The following PHACTR1 variants were observed in gnomAD, a reference collection of about 807,000 sequenced individuals.
PHACTR1 encodes the protein phosphatase and actin regulator 1.
A neutral mutation model predicts 69.2 loss-of-function variants in PHACTR1; 16 were observed. The observed-to-expected ratio is 0.23, with a 90% CI of 0.16 to 0.35. The LOEUF (loss-of-function observed/expected upper bound fraction) is 0.35, where lower values mean the gene tolerates loss of function less well. Ranked by LOEUF, PHACTR1 falls within the 10% of genes least tolerant of loss-of-function variation. The pLI is 1.00. For synonymous variants in PHACTR1, 312 were observed against 284.5 expected (o/e 1.10, Z -0.97); for missense variants, 510 against 734.7 (o/e 0.69, Z 3.54).
chr6:12,926,532 G>A (rs971700115), intron 4 of PHACTR1, among the ~76,000 whole-genome samples: 1 of 152,096 alleles, frequency 6.6e-6, no homozygotes, highest in Admixed American at 6.6e-5. Context: ...ACTTGTCCAC[G>A]GTCCAGGCTC....
chr6:12,914,914 G>T (rs1786805711), intron 4 of PHACTR1, among the ~76,000 whole-genome samples: 1 of 152,160 alleles, frequency 6.6e-6, no homozygotes, highest in Non-Finnish European at 1.5e-5. Flanking sequence ...TGGAGAATTT[G>T]GCTGAGTTGT....
At chr6:12,761,696 G>A (rs1768034502) in intron 4 of PHACTR1, among the ~76,000 whole-genome samples, 1 of 152,116 alleles carries the variant, frequency 6.6e-6, no homozygotes, top group African/African-American at 2.4e-5. Flanking sequence ...AAGTAACCAG[G>A]GAGCATCCTT....
chr6:13,233,843 C>A (rs1393550655), intron 10 of PHACTR1, among the ~76,000 whole-genome samples: 1 of 152,184 alleles, frequency 6.6e-6, no homozygotes, highest in Non-Finnish European at 1.5e-5. Context: ...AGATGGCCTG[C>A]ATCCTTCCTC....
chr6:12,798,453 G>C (rs1282040064), intron 4 of PHACTR1, among the ~76,000 whole-genome samples: 1 of 152,058 alleles, frequency 6.6e-6, no homozygotes, highest in Non-Finnish European at 1.5e-5. Flanking sequence ...GACTCAAAAA[G>C]GTAGTGGATA....
chr6:13,035,856 G>A (rs1803224675), intron 4 of PHACTR1, among the ~76,000 whole-genome samples: 1 of 152,052 alleles, frequency 6.6e-6, no homozygotes, highest in African/African-American at 2.4e-5. Context: ...TTTATGCCCT[G>A]CACATTCAAC....
At chr6:12,723,255 T>C (rs1762350191) in intron 3 of PHACTR1, among the ~76,000 whole-genome samples, 1 of 152,102 alleles carries the variant, frequency 6.6e-6, no homozygotes, top group East Asian at 1.9e-4. Context: ...ACCACCATTA[T>C]GGATCGTCAG....
intron 4 of PHACTR1, among the ~76,000 whole-genome samples, chr6:12,812,189 C>T (rs1775091151): frequency 6.6e-6 from 1 of 152,166 alleles, no homozygotes; most frequent in Admixed American, 6.5e-5. Context: ...GCAACAACCA[C>T]TCCCCTTTCT....
intron 4 of PHACTR1, among the ~76,000 whole-genome samples, chr6:12,886,465 A>C (rs940541410): frequency 2.6e-5 from 4 of 152,214 alleles, no homozygotes; most frequent in Non-Finnish European, 5.9e-5. Context: ...TTTCATATTA[A>C]ATGTTCAAAA....
intron 4 of PHACTR1, among the ~76,000 whole-genome samples, chr6:12,814,416 G>A (rs551908807): frequency 1.1e-4 from 16 of 152,190 alleles, no homozygotes; most frequent in Admixed American, 3.3e-4. Flanking sequence ...CAGAATAGAC[G>A]CTCCAAAAAT....
At chr6:12,732,907 C>T (rs891736960) in intron 3 of PHACTR1, among the ~76,000 whole-genome samples, 5 of 152,188 alleles carry the variant, frequency 3.3e-5, no homozygotes, top group Non-Finnish European at 7.3e-5. Context: ...GTTGATGTCC[C>T]TGGATCTGTT....
At chr6:13,151,005 G>T (rs1824223957) in intron 5 of PHACTR1, among the ~76,000 whole-genome samples, 1 of 152,220 alleles carries the variant, frequency 6.6e-6, no homozygotes. Context: ...CAGATGGGAA[G>T]TGGAGGCATG....
At chr6:12,896,497 G>A (rs1040769216) in intron 4 of PHACTR1, among the ~76,000 whole-genome samples, 1 of 152,042 alleles carries the variant, frequency 6.6e-6, no homozygotes, top group Admixed American at 6.6e-5. Flanking sequence ...GAGCATGCCC[G>A]GATCACGGAG....
At chr6:12,897,682 A>G (rs1394676587) in intron 4 of PHACTR1, among the ~76,000 whole-genome samples, 1 of 143,722 alleles carries the variant, frequency 7.0e-6, no homozygotes, top group South Asian at 2.3e-4. Context: ...AACATGCAAC[A>G]AGCACTTTGT....
chr6:13,227,381 CA>C (rs1769947551), intron 8 of PHACTR1, among the ~76,000 whole-genome samples: 1 of 152,174 alleles, frequency 6.6e-6, no homozygotes. Flanking sequence ...GCTTCACTAT[CA>C]AATTAATCCT....
At chr6:13,008,583 C>T (rs1369748289) in intron 4 of PHACTR1, among the ~76,000 whole-genome samples, 2 of 152,204 alleles carry the variant, frequency 1.3e-5, no homozygotes, top group Non-Finnish European at 2.9e-5. Flanking sequence ...CTCCATACTT[C>T]CAGTCTAGCA....
At chr6:13,186,430 A>G (rs919349349) in intron 7 of PHACTR1, among the ~76,000 whole-genome samples, 3 of 152,202 alleles carry the variant, frequency 2.0e-5, no homozygotes, top group Non-Finnish European at 2.9e-5. Flanking sequence ...AAGTTTTTCC[A>G]TCTTCCTTAT....
intron 4 of PHACTR1, among the ~76,000 whole-genome samples, chr6:12,992,308 C>T (rs1796910761): frequency 6.6e-6 from 1 of 152,148 alleles, no homozygotes. Flanking sequence ...AAACTTCTTG[C>T]CTCATTTCAC....
At chr6:13,128,522 A>C (rs1296116636) in intron 5 of PHACTR1, among the ~76,000 whole-genome samples, 1 of 152,002 alleles carries the variant, frequency 6.6e-6, no homozygotes, top group Non-Finnish European at 1.5e-5. Context: ...GGAAAGTGTC[A>C]AAAATAGTCT....
At chr6:13,030,508 C>T (rs1413104522) in intron 4 of PHACTR1, among the ~76,000 whole-genome samples, 2 of 152,174 alleles carry the variant, frequency 1.3e-5, no homozygotes, top group African/African-American at 4.8e-5. Flanking sequence ...ATTCAGTGTA[C>T]ATAAACGGTT....
Sources: allele counts gnomAD v4.1 joint callset (sites outside exome capture counted in the v4.1 genomes callset), GRCh38; gene constraint gnomAD v4.1.1; transcripts MANE v1.5; gene names NCBI Gene and HGNC (gene_info 2026-07-23, HGNC 2026-07-21).